The following PRDM16 variants were observed in gnomAD, a reference collection of about 807,000 sequenced individuals.
The protein encoded by PRDM16 is histone-lysine N-methyltransferase PRDM16.
A neutral mutation model predicts 110.6 loss-of-function variants in PRDM16; 23 were observed. The ratio of observed to expected loss-of-function variants is 0.21; its 90% confidence interval spans 0.15 to 0.29. The LOEUF (loss-of-function observed/expected upper bound fraction) is 0.29. PRDM16 is among the 10% of genes least tolerant of loss of function. PRDM16 has a pLI of 1.00. For missense variants in PRDM16, 1,615 were observed against 1,794.3 expected, an observed-to-expected ratio of 0.90 and a Z score of 1.81; for synonymous variants, 799 against 781.8, an observed-to-expected ratio of 1.02 and a Z score of -0.37.
chr1:3,244,267 A>C lies in PRDM16; in HGVS notation c.438+130A>C, dbSNP rs1639737977. 6 of 834,136 alleles carry C rather than the reference A, an allele frequency of 7.2e-6. No homozygotes were observed. The highest frequency in any genetic ancestry group is 2.0e-6 in the Non-Finnish European group (1 of 508,000). The allele number at this position is 834,136 out of a possible 1,614,324, so 51.7% of individuals were successfully genotyped here. Reference sequence around the variant, plus strand: ...GAATGTTGCTGGCAGGCCCCGAGCAATGTGTTATCTGTGGACTGACGTGTG... The same window carrying C: ...GAATGTTGCTGGCAGGCCCCGAGCACTGTGTTATCTGTGGACTGACGTGTG... On this transcript the variant is annotated intron_variant, in intron 3 of 16. Coordinates refer to ENST00000270722, the MANE Select transcript of PRDM16 (RefSeq NM_022114.4). The surrounding 1 kb of genome is among the most constrained non-coding windows in gnomAD (Gnocchi z 4.1).
intron 1 of PRDM16, among the ~76,000 whole-genome samples, chr1:3,156,502 C>T (rs1643860757): frequency 3.9e-5 from 6 of 152,128 alleles, no homozygotes; most frequent in Admixed American, 3.9e-4. Flanking sequence ...AAAAGAAGGA[C>T]AAAATGGTTT....
intron 1 of PRDM16, among the ~76,000 whole-genome samples, chr1:3,088,022 T>G (rs1040336536): frequency 9.9e-5 from 15 of 151,976 alleles, no homozygotes; most frequent in Admixed American, 8.5e-4. Flanking sequence ...TCACTGCTGT[T>G]TCTCTCACCT....
In PRDM16 at chr1:3,143,230, C is replaced by T. The variant is rs1304368780; in HGVS notation, c.38-42895C>T. Among the ~76,000 whole-genome samples the T allele has an allele frequency of 6.6e-6, 1 of 152,076 alleles. No individual in the cohort carries two copies. Among genetic ancestry groups the T allele is most frequent in the Non-Finnish European group, 1.5e-5 (1 of 68,020 alleles). On this transcript the variant is annotated intron_variant, in intron 1 of 16. Transcript: ENST00000270722. This position sits in a 1 kb window ranked among gnomAD's most constrained non-coding sequence, Gnocchi z 4.5. ...TGTTCCGGGCTCTGATTTTTGCTGG[C>T]TGAGACACAGGGACCCCTGGGTGTG...
At chr1:3,205,760 G>A (rs1638739663) in intron 2 of PRDM16, among the ~76,000 whole-genome samples, 1 of 152,166 alleles carries the variant, frequency 6.6e-6, no homozygotes. Flanking sequence ...CAGGGGCAAG[G>A]CTAGAACCGG....
At chr1:3,241,120 A>G (rs1639664328) in intron 2 of PRDM16, among the ~76,000 whole-genome samples, 1 of 152,244 alleles carries the variant, frequency 6.6e-6, no homozygotes, top group South Asian at 2.1e-4. Context: ...CGAGGTCAGC[A>G]GCGGGTGAAG....
chr1:3,263,661 C>A (rs1260344764), intron 3 of PRDM16, among the ~76,000 whole-genome samples: 1 of 152,238 alleles, frequency 6.6e-6, no homozygotes, highest in Non-Finnish European at 1.5e-5. Context: ...TGCTGCCCTG[C>A]AGATGCCAGA....
At chr1:3,087,247 A>T (rs973817225) in intron 1 of PRDM16, among the ~76,000 whole-genome samples, 1 of 142,816 alleles carries the variant, frequency 7.0e-6, no homozygotes, top group African/African-American at 2.8e-5. Flanking sequence ...CCCACCGGAG[A>T]CCAGCCCCAC....
chr1:3,385,036 G>A (rs1246090894), intron 3 of PRDM16, 116 bp from the exon 4 acceptor site: 27 of 1,317,096 alleles, frequency 2.0e-5, no homozygotes, highest in South Asian at 2.6e-5. Context: ...AGGTCTGGAC[G>A]CCGACTTGCC....
At chr1:3,226,621 A>C (rs931499745) in intron 2 of PRDM16, among the ~76,000 whole-genome samples, 4 of 152,204 alleles carry the variant, frequency 2.6e-5, no homozygotes, top group Admixed American at 2.0e-4. Flanking sequence ...TTTAACAACA[A>C]GGTTCCTTAT....
intron 9 of PRDM16, 74 bp from the exon 10 acceptor site, chr1:3,414,486 C>T (rs1310263335): frequency 1.4e-5 from 16 of 1,152,602 alleles, no homozygotes; most frequent in South Asian, 2.7e-5. Context: ...GCGGGGTGGG[C>T]GGCTCTGTGG....
intron 3 of PRDM16, among the ~76,000 whole-genome samples, chr1:3,355,404 C>CG (rs1382312370): frequency 6.6e-6 from 1 of 152,144 alleles, no homozygotes; most frequent in Non-Finnish European, 1.5e-5. Flanking sequence ...TTCAGCCTGG[C>CG]GGGGGGCTTG....
At chr1:3,282,551 C>T (rs572630400) in intron 3 of PRDM16, among the ~76,000 whole-genome samples, 8 of 152,324 alleles carry the variant, frequency 5.3e-5, no homozygotes, top group Admixed American at 2.6e-4. Context: ...CCTCTCACCA[C>T]GATTCAATCC....
At chr1:3,394,470 C>T (rs955683317) in intron 4 of PRDM16, 1 of 90,608 alleles carries the variant, frequency 1.1e-5, no homozygotes, top group Non-Finnish European at 2.4e-5. Context: ...GGACCCTCGA[C>T]GGGGGTGGGG....
At chr1:3,105,551 T>C (rs566363918) in intron 1 of PRDM16, among the ~76,000 whole-genome samples, 50 of 152,340 alleles carry the variant, frequency 3.3e-4, no homozygotes, top group African/African-American at 1.2e-3. Flanking sequence ...GTGTGCACTT[T>C]GTTCCCGGCA....
chr1:3,204,065 G>A (rs1295380238), intron 2 of PRDM16, among the ~76,000 whole-genome samples: 1 of 152,254 alleles, frequency 6.6e-6, no homozygotes, highest in Non-Finnish European at 1.5e-5. Flanking sequence ...GAAGTGATTA[G>A]AACTCAGGGC....
chr1:3,399,557 C>A (rs1643435080), intron 5 of PRDM16, among the ~76,000 whole-genome samples: 1 of 152,176 alleles, frequency 6.6e-6, no homozygotes, highest in African/African-American at 2.4e-5. Context: ...GGGGGCCCAG[C>A]TCCATCCGTG....
Position 3,213,588 on chromosome 1 carries a change from G to A in PRDM16, c.387+27114G>A, listed in dbSNP as rs569964056. Among the ~76,000 whole-genome samples the A allele has an allele frequency of 2.1e-4, 32 of 152,236 alleles. No individual in the cohort carries two copies. The South Asian group carries it at 3.1e-3, about 15-fold the overall frequency. On this transcript the variant is annotated intron_variant, in intron 2 of 16. Transcript: ENST00000270722. The surrounding 1 kb of genome is among the most constrained non-coding windows in gnomAD (Gnocchi z 5.3). ...GACACCTGGAACTCACTCTTTCTCC[G>A]AGGAACAGGAGCAAGTGCGGCATTC...
At chr1:3,240,513 A>C (rs1349200953) in intron 2 of PRDM16, among the ~76,000 whole-genome samples, 1 of 151,956 alleles carries the variant, frequency 6.6e-6, no homozygotes, top group Non-Finnish European at 1.5e-5. Context: ...GGTAAAGCGG[A>C]GTGTTGGGGT....
intron 2 of PRDM16, among the ~76,000 whole-genome samples, chr1:3,234,620 G>A (rs1639498844): frequency 6.6e-6 from 1 of 152,216 alleles, no homozygotes; most frequent in South Asian, 2.1e-4. Context: ...CAGGCTGGAT[G>A]GCCGGGCCCC....
Sources: gnomAD v4.1 joint callset for allele counts (sites outside exome capture counted in the v4.1 genomes callset) on GRCh38, gnomAD v4.1.1 for gene constraint, Gnocchi (gnomAD v3.1) non-coding constraint, MANE v1.5 for transcripts, NCBI Gene and HGNC (gene_info 2026-07-23, HGNC 2026-07-21) for gene names.